The following AGMO variants were observed in gnomAD, a reference collection of about 807,000 sequenced individuals.
AGMO encodes alkylglycerol monooxygenase.
Under a neutral mutation model 60.2 loss-of-function variants are expected in AGMO, and 75 were observed. The ratio of observed to expected loss-of-function variants is 1.25; its 90% CI spans 1.03 to 1.51. The LOEUF is 1.51. Among genes scored for constraint, AGMO ranks in the 40% most tolerant of loss-of-function variants. The pLI is 0.00. For missense variants in AGMO, 763 were observed against 525.5 expected (o/e 1.45, Z -4.42); for synonymous variants, 261 against 177.1 (o/e 1.47, Z -3.76).
At chr7:15,404,339 T>C (rs999555093) in intron 5 of AGMO, among the ~76,000 whole-genome samples, 1 of 151,940 alleles carries the variant, frequency 6.6e-6, no homozygotes, top group Non-Finnish European at 1.5e-5. Flanking sequence ...CAGGACAAGT[T>C]AGCATTTTAT....
chr7:15,519,018 G>A (rs145569156), intron 3 of AGMO, among the ~76,000 whole-genome samples: 1,780 of 151,628 alleles, frequency 0.012, 37 homozygotes, highest in African/African-American at 0.04. Flanking sequence ...ACTTCCTGAA[G>A]CATACACAAG....
chr7:15,465,638 G>T (rs1231143553), intron 3 of AGMO, among the ~76,000 whole-genome samples: 1 of 148,950 alleles, frequency 6.7e-6, no homozygotes, highest in Non-Finnish European at 1.5e-5. Flanking sequence ...TAGAGACAGG[G>T]TTTCCCTATA....
At chr7:15,288,625 C>G (rs1388893093) in intron 12 of AGMO, among the ~76,000 whole-genome samples, 1 of 151,884 alleles carries the variant, frequency 6.6e-6, no homozygotes, top group Non-Finnish European at 1.5e-5. Context: ...TGCAGTCTTA[C>G]AAATCTGCAA....
intron 12 of AGMO, among the ~76,000 whole-genome samples, chr7:15,208,711 C>A (rs927357750): frequency 3.9e-5 from 6 of 152,094 alleles, no homozygotes. Context: ...AATTCTTTAA[C>A]TTTCTTATTT....
chr7:15,234,467 C>T (rs560896372), intron 12 of AGMO, among the ~76,000 whole-genome samples: 8 of 152,298 alleles, frequency 5.3e-5, no homozygotes, highest in South Asian at 4.1e-4. Flanking sequence ...TTTCAAGATA[C>T]GCTAAGAGAA....
chr7:15,499,944 T>TAA (rs374974843), intron 3 of AGMO, among the ~76,000 whole-genome samples: 5 of 136,558 alleles, frequency 3.7e-5, no homozygotes, highest in African/African-American at 1.3e-4. Context: ...TATATATATA[T>TAA]AATATATATA....
intron 12 of AGMO, among the ~76,000 whole-genome samples, chr7:15,307,255 G>C (rs1049596987): frequency 2.0e-5 from 3 of 151,954 alleles, no homozygotes; most frequent in Admixed American, 1.3e-4. Context: ...GGGAATCCTT[G>C]TTTGACATGA....
At chr7:15,252,714 G>C (rs892591044) in intron 12 of AGMO, among the ~76,000 whole-genome samples, 10 of 152,188 alleles carry the variant, frequency 6.6e-5, no homozygotes, top group Non-Finnish European at 4.4e-5. Context: ...GCTCAGTTAA[G>C]AACTTGTGAT....
At chr7:15,492,630 A>T (rs978617047) in intron 3 of AGMO, among the ~76,000 whole-genome samples, 1 of 149,672 alleles carries the variant, frequency 6.7e-6, no homozygotes, top group Non-Finnish European at 1.5e-5. Flanking sequence ...TTATTAATTA[A>T]TTTTTTACTA....
intron 6 of AGMO, 23 bp downstream of exon 6, chr7:15,394,090 G>GTCT: frequency 6.4e-7 from 1 of 1,565,858 alleles, no homozygotes; most frequent in Non-Finnish European, 8.8e-7. Flanking sequence ...GAAGAAAAGA[G>GTCT]AGAAGAAACA....
chr7:15,495,879 C>A (rs1012025638), intron 3 of AGMO, among the ~76,000 whole-genome samples: 2 of 149,510 alleles, frequency 1.3e-5, no homozygotes, highest in Non-Finnish European at 3.0e-5. Flanking sequence ...CTCTCTCTCT[C>A]ATTCTCTTGC....
intron 3 of AGMO, among the ~76,000 whole-genome samples, chr7:15,454,209 C>T (rs905628414): frequency 6.6e-6 from 1 of 151,992 alleles, no homozygotes; most frequent in Admixed American, 6.6e-5. Context: ...GAAACACACA[C>T]TAACTTAAGT....
chr7:15,527,905 C>G (rs1784166786), intron 3 of AGMO, among the ~76,000 whole-genome samples: 1 of 151,944 alleles, frequency 6.6e-6, no homozygotes, highest in Non-Finnish European at 1.5e-5. Flanking sequence ...CTATTTTAAG[C>G]TTAGTATTGA....
intron 12 of AGMO, among the ~76,000 whole-genome samples, chr7:15,259,277 G>A (rs1445232576): frequency 1.3e-5 from 2 of 151,816 alleles, no homozygotes; most frequent in Admixed American, 1.3e-4. Flanking sequence ...GAAAGTCTCA[G>A]CAATAGAATT....
At chr7:15,343,530 T>TA (rs1314040602) in intron 12 of AGMO, among the ~76,000 whole-genome samples, 2 of 152,190 alleles carry the variant, frequency 1.3e-5, no homozygotes, top group African/African-American at 4.8e-5. Context: ...TATAATATCT[T>TA]AGTCTTTCAG....
At chr7:15,255,923 T>A (rs1314038922) in intron 12 of AGMO, among the ~76,000 whole-genome samples, 1 of 152,202 alleles carries the variant, frequency 6.6e-6, no homozygotes, top group East Asian at 1.9e-4. Flanking sequence ...GTGTTTTTAA[T>A]GACTGATCAT....
At chr7:15,406,991 T>A (rs1784718432) in intron 5 of AGMO, among the ~76,000 whole-genome samples, 1 of 141,862 alleles carries the variant, frequency 7.0e-6, no homozygotes, top group Non-Finnish European at 1.5e-5. Context: ...CATGTGTGTG[T>A]ATATATATGG....
chr7:15,129,115 G>C, the AGMO span, among the ~76,000 whole-genome samples: 2 of 152,046 alleles, frequency 1.3e-5, no homozygotes, highest in Admixed American at 6.6e-5. Context: ...AGGTAAGAGA[G>C]GGGGAAAGGA....
intron 12 of AGMO, among the ~76,000 whole-genome samples, chr7:15,360,338 G>A (rs4599703): frequency 0.2 from 30,315 of 151,936 alleles, 3,244 homozygotes; most frequent in East Asian, 0.43. Context: ...CCCCCCGTGC[G>A]GTCAAAAATT....
Sources: gnomAD v4.1 joint callset for allele counts (sites outside exome capture counted in the v4.1 genomes callset) on GRCh38, gnomAD v4.1.1 for gene constraint, MANE v1.5 for transcripts, NCBI Gene and HGNC (gene_info 2026-07-23, HGNC 2026-07-21) for gene names.